The following DOK6 variants were observed in gnomAD, a reference collection of about 807,000 sequenced individuals.
The protein encoded by DOK6 is docking protein 6, also known as downstream of tyrosine kinase 6.
Under a neutral mutation model 44.0 loss-of-function variants are expected in DOK6, and 22 were observed. The ratio of observed to expected loss-of-function variants is 0.50; its 90% CI spans 0.36 to 0.71. DOK6 has a LOEUF of 0.71. DOK6 is among the 30% of genes least tolerant of loss of function. DOK6 has a pLI of 0.00. For missense variants in DOK6, 340 were observed against 416.4 expected (o/e 0.82, Z 1.60); for synonymous variants, 166 against 145.5 (o/e 1.14, Z -1.01).
intron 4 of DOK6, among the ~76,000 whole-genome samples, chr18:69,694,058 CAAAAAAAAAAAAAAAAAAAAA>C (rs60662789): frequency 1.6e-5 from 1 of 61,980 alleles, no homozygotes; most frequent in African/African-American, 6.2e-5. Context: ...GACTCCGTGT[CAAAAAAAAAAAAAAAAAAAAA>C]AAAAAAAAAA....
intron 4 of DOK6, among the ~76,000 whole-genome samples, chr18:69,687,806 A>T (rs1431784643): frequency 6.6e-6 from 1 of 152,186 alleles, no homozygotes; most frequent in Non-Finnish European, 1.5e-5. Context: ...TAAGGTTGGG[A>T]AAAAGGCAAA....
intron 3 of DOK6, among the ~76,000 whole-genome samples, chr18:69,656,645 A>G (rs1271059150): frequency 6.6e-6 from 1 of 152,260 alleles, no homozygotes; most frequent in African/African-American, 2.4e-5. Context: ...CTATTTTAAG[A>G]ATTTAAAAAC....
intron 5 of DOK6, among the ~76,000 whole-genome samples, chr18:69,738,039 G>A (rs73970249): frequency 0.02 from 2,984 of 152,266 alleles, 88 homozygotes; most frequent in African/African-American, 0.067. Flanking sequence ...CACGCTGTGT[G>A]AATTTTATTA....
chr18:69,702,433 G>C (rs901324830), intron 5 of DOK6, among the ~76,000 whole-genome samples: 1 of 152,128 alleles, frequency 6.6e-6, no homozygotes, highest in African/African-American at 2.4e-5. Context: ...AAGACATGAA[G>C]TGCCAACATT....
intron 5 of DOK6, among the ~76,000 whole-genome samples, chr18:69,706,665 T>TCC (rs1568339536): frequency 1.2e-5 from 1 of 80,232 alleles, no homozygotes; most frequent in South Asian, 5.2e-4. Flanking sequence ...CCTAATGCTA[T>TCC]CCCTCCCCCC....
At chr18:69,647,422 C>T (rs999008264) in intron 3 of DOK6, 1 of 152,146 alleles carries the variant, frequency 6.6e-6, no homozygotes, top group Non-Finnish European at 1.5e-5. Context: ...GGAAGTCCCA[C>T]AGCTTGCAAA....
intron 1 of DOK6, among the ~76,000 whole-genome samples, chr18:69,407,068 C>T (rs373919487): frequency 4.3e-4 from 65 of 152,090 alleles, no homozygotes; most frequent in Middle Eastern, 3.4e-3. Flanking sequence ...GCAACAAGAG[C>T]GAAACTCCAT....
chr18:69,803,270 C>T (rs942188555), intron 7 of DOK6, among the ~76,000 whole-genome samples: 13 of 152,044 alleles, frequency 8.6e-5, no homozygotes, highest in Admixed American at 1.3e-4. Flanking sequence ...TTATGAAATG[C>T]TCTTTTGTTA....
chr18:69,722,357 T>C (rs116015443), intron 5 of DOK6, among the ~76,000 whole-genome samples: 2,357 of 152,308 alleles, frequency 0.015, 71 homozygotes, highest in African/African-American at 0.054. Flanking sequence ...CCTCATTAAG[T>C]GTAAGCCTAC....
Position 69,841,256 on chromosome 18 carries a change from G to A in DOK6, c.869G>A (p.Gly290Asp). ...TCTTCCTCTCTAGGTCATGGGTTTGGTTCGTCAAAGATGTCTCGTGCACAG... is the reference window on the plus strand; with the variant it reads ...TCTTCCTCTCTAGGTCATGGGTTTGATTCGTCAAAGATGTCTCGTGCACAG... ...EIYSLQGHGFGSSKMSRAQTF... is the reference protein window; with the variant it reads ...EIYSLQGHGFDSSKMSRAQTF... Residue 290 changes from glycine (G) to aspartate (D), a missense_variant, in exon 8 of 8, where the codon GGT becomes GAT. Gly to Asp is a moderately conservative substitution (Grantham distance 94). Around this residue, in one of 3 missense-constraint regions of DOK6, gnomAD observed 112 missense variants for 109.3 expected, o/e 1.02. Coordinates refer to ENST00000382713, the MANE Select transcript of DOK6 (RefSeq NM_152721.6). 6.2e-7 allele frequency: 1 copy of A among 1,614,162 alleles called. No individual in the cohort carries two copies. Among genetic ancestry groups the A allele is most frequent in the Non-Finnish European group, 8.5e-7 (1 of 1,180,034 alleles).
chr18:69,788,346 A>T (rs1055523128), intron 7 of DOK6, among the ~76,000 whole-genome samples: 13 of 152,212 alleles, frequency 8.5e-5, no homozygotes, highest in African/African-American at 3.1e-4. Context: ...TCACTTAAAC[A>T]ATTGTGTAGT....
chr18:69,603,336 A>G (rs12967775), intron 3 of DOK6, among the ~76,000 whole-genome samples: 52,417 of 151,958 alleles, frequency 0.34, 10,991 homozygotes, highest in Non-Finnish European at 0.47. Flanking sequence ...CCCTAATCCT[A>G]CAATTCAGCC....
At chr18:69,451,893 T>C (rs1302188887) in intron 1 of DOK6, among the ~76,000 whole-genome samples, 1 of 86,080 alleles carries the variant, frequency 1.2e-5, no homozygotes, top group Non-Finnish European at 2.3e-5. Flanking sequence ...TACCAGAATC[T>C]CTGGGACGCA....
intron 2 of DOK6, among the ~76,000 whole-genome samples, chr18:69,596,916 T>C (rs1983754689): frequency 6.6e-6 from 1 of 152,094 alleles, no homozygotes; most frequent in African/African-American, 2.4e-5. Context: ...GGCAGCAAAG[T>C]TGTATCGACT....
At chr18:69,625,763 T>C (rs1984544281) in intron 3 of DOK6, among the ~76,000 whole-genome samples, 1 of 152,216 alleles carries the variant, frequency 6.6e-6, no homozygotes, top group Non-Finnish European at 1.5e-5. Context: ...ACATAAAATA[T>C]TGGAAGACTA....
intron 2 of DOK6, among the ~76,000 whole-genome samples, chr18:69,574,951 A>G (rs1203886224): frequency 6.6e-6 from 1 of 151,984 alleles, no homozygotes; most frequent in Non-Finnish European, 1.5e-5. Flanking sequence ...GGAAAGGAGG[A>G]GATAGATTTA....
chr18:69,439,698 A>T (rs1979083534), intron 1 of DOK6, among the ~76,000 whole-genome samples: 3 of 152,158 alleles, frequency 2.0e-5, no homozygotes, highest in Non-Finnish European at 4.4e-5. Flanking sequence ...GCCTTCATGG[A>T]ATTAGAGTGA....
intron 7 of DOK6, among the ~76,000 whole-genome samples, chr18:69,790,625 G>A (rs1207604544): frequency 6.6e-6 from 1 of 151,786 alleles, no homozygotes; most frequent in Non-Finnish European, 1.5e-5. Flanking sequence ...ATTGCTATTG[G>A]GCTTTTTTCT....
At chr18:69,525,396 G>T (rs1312295897) in intron 1 of DOK6, among the ~76,000 whole-genome samples, 2 of 151,548 alleles carry the variant, frequency 1.3e-5, no homozygotes, top group Admixed American at 6.6e-5. Context: ...GCACATTTCT[G>T]GGGGGTTTCT....
Sources: allele counts gnomAD v4.1 joint callset (sites outside exome capture counted in the v4.1 genomes callset), GRCh38; gene constraint gnomAD v4.1.1; regional missense constraint gnomAD v4.1.1; transcripts MANE v1.5; gene names NCBI Gene and HGNC (gene_info 2026-07-23, HGNC 2026-07-21).